The following STAG2 variants were observed in gnomAD, a reference collection of about 807,000 sequenced individuals.
STAG2 encodes the protein cohesin subunit SA-2.
In STAG2, 14 loss-of-function variants were observed where a neutral mutation model predicts 108.1. That is an observed-to-expected ratio of 0.13 (90% confidence interval 0.09 to 0.20). The LOEUF is 0.20. STAG2 is among the 10% of genes least tolerant of loss of function. The pLI is 1.00. For missense variants in STAG2, 440 were observed against 940.9 expected (o/e 0.47, Z 6.96); for synonymous variants, 307 against 302.7 (o/e 1.01, Z -0.15).
chrX:123,971,138 C>T (rs960993199), intron 1 of STAG2, among the ~76,000 whole-genome samples: 10 of 112,169 alleles, frequency 8.9e-5, no homozygotes, highest in Non-Finnish European at 1.5e-4. Context: ...GGATTTAAAA[C>T]CTCTGTAGAG....
rs200374624 is a variant in STAG2 at position 124,060,981 on chromosome X, T to TA, written c.1417-237dup. On this transcript the variant is annotated intron_variant, in intron 15 of 34. Transcript: ENST00000371145. ...ATATATATATTTTATATAAAAATAA[T>TA]AAAAAATTTTTTTCATATTAATGTT... Among the ~76,000 whole-genome samples the TA allele has an allele frequency of 7.2e-3, 785 of 108,525 alleles. 7 individuals carry two copies. The highest frequency in any genetic ancestry group is 0.024 in the African/African-American group (736 of 30,070). The allele number at this position is 108,525 out of a possible 115,157, so 94.2% of individuals were successfully genotyped here.
At position 123,990,677 on chromosome X, in the gene STAG2, TA is replaced by T. The variant is rs769411796; in HGVS notation, c.-163+28824del. On this transcript the variant is annotated intron_variant, in intron 1 of 34. Transcript: ENST00000371145. ...ATTATTGTAATGATGGAAACTTACATAAAGTATAGGAACAGAAAGAGGTAGT... is the reference window on the plus strand; with the variant it reads ...ATTATTGTAATGATGGAAACTTACATAAGTATAGGAACAGAAAGAGGTAGT... Among the ~76,000 whole-genome samples the T allele has an allele frequency of 8.9e-5, 10 of 111,966 alleles. No homozygotes were observed. In the Admixed American group the frequency reaches 9.5e-4, roughly 11 times the overall value.
intron 5 of STAG2, among the ~76,000 whole-genome samples, chrX:124,035,025 T>G (rs983166766): frequency 1.8e-5 from 2 of 109,900 alleles, no homozygotes; most frequent in Non-Finnish European, 3.8e-5. Context: ...GCCTCCCAAG[T>G]AGCTGGGATT....
intron 1 of STAG2, among the ~76,000 whole-genome samples, chrX:123,980,927 A>G (rs1286443087): frequency 2.7e-5 from 3 of 111,075 alleles, no homozygotes. Flanking sequence ...TCTGTACTTC[A>G]TGTGAAATAA....
At chrX:124,059,812 C>G (rs2058327550) in intron 15 of STAG2, among the ~76,000 whole-genome samples, 1 of 110,650 alleles carries the variant, frequency 9.0e-6, no homozygotes, top group African/African-American at 3.3e-5. Context: ...AACTTCGTGC[C>G]ACCACACCCA....
intron 25 of STAG2, among the ~76,000 whole-genome samples, chrX:124,074,722 C>T (rs1465513364): frequency 3.6e-5 from 4 of 111,139 alleles, no homozygotes; most frequent in Non-Finnish European, 7.5e-5. Context: ...TATGAAAGGC[C>T]CAGTGTGTTA....
chrX:124,095,988 T>C (rs747901791), intron 34 of STAG2, among the ~76,000 whole-genome samples: 2 of 110,189 alleles, frequency 1.8e-5, no homozygotes, highest in South Asian at 4.0e-4. Context: ...GTACCTCTTA[T>C]ATCAGTCCCC....
intron 17 of STAG2, among the ~76,000 whole-genome samples, 199 bp downstream of exon 17, chrX:124,062,073 C>T (rs1430671371): frequency 9.0e-6 from 1 of 111,267 alleles, no homozygotes; most frequent in African/African-American, 3.3e-5. Flanking sequence ...TTTTTAGTTG[C>T]TGCAGGAGAT....
Position 124,083,546 on chromosome X carries a change from C to G in STAG2, c.3050C>G (p.Thr1017Arg), listed in dbSNP as rs2148446649. The G allele has an allele frequency of 8.5e-7, 1 of 1,176,575 alleles. No individual in the cohort carries two copies. Among genetic ancestry groups the G allele is most frequent in the Non-Finnish European group, 1.1e-6 (1 of 877,623 alleles). ...SSKLLRQDKR[T>R]VYVYLEKFMT... ...AAACTACTTCGACAAGACAAAAGAA[C>G]AGTGTATGTATTTGCTGGAAATGTC... Residue 1017 changes from threonine (T) to arginine (R), a missense_variant, in exon 29 of 35, where the codon ACA becomes AGA. Thr to Arg is a moderately conservative substitution (Grantham distance 71, BLOSUM62 -1). Transcript: ENST00000371145.
At chrX:124,068,424 T>C in intron 23 of STAG2, 140 bp from the exon 24 acceptor site, 2 of 405,184 alleles carry the variant, frequency 4.9e-6, no homozygotes, top group South Asian at 1.1e-4. Flanking sequence ...TTATAAATTA[T>C]AAGGAAGAAA....
chrX:124,041,445 A>T (rs1010415634), intron 6 of STAG2, among the ~76,000 whole-genome samples: 1 of 110,341 alleles, frequency 9.1e-6, no homozygotes, highest in African/African-American at 3.3e-5. Context: ...ACACAGATGC[A>T]TGCATATACA....
chrX:124,082,959 T>C (rs1201499577), intron 28 of STAG2, among the ~76,000 whole-genome samples: 3 of 111,673 alleles, frequency 2.7e-5, no homozygotes, highest in Non-Finnish European at 5.6e-5. Flanking sequence ...CACATAAATA[T>C]AGTTAAAATG....
At chrX:123,961,302 C>G (rs889619079), upstream of STAG2, 2 of 103,895 alleles carry the variant, frequency 1.9e-5, no homozygotes, top group South Asian at 8.4e-4. Flanking sequence ...TACGGAGACC[C>G]CCCCCCCCCA....
rs112824767 is a variant in STAG2, at chrX:124,031,577, T to G, written c.288+452T>G. On this transcript the variant is annotated intron_variant, in intron 5 of 34. Coordinates refer to ENST00000371145, the MANE Select transcript of STAG2 (RefSeq NM_001042750.2). ...TTTTTTTTGTTTTTTTGTTTTTTTG[T>G]TTTTTTTGGTGGGTATTTTCAGTGG... 7.3e-3 allele frequency among the ~76,000 whole-genome samples: 725 copies of G among 99,501 alleles called. 6 individuals are homozygous for G. Among genetic ancestry groups the G allele is most frequent in the African/African-American group, 0.024 (683 of 28,568 alleles). The allele number at this position is 99,501 out of a possible 115,157, so 86.4% of individuals were successfully genotyped here. A position where few individuals can be genotyped will look rare whatever the true frequency, so the allele number is the denominator to read the frequency against.
intron 27 of STAG2, among the ~76,000 whole-genome samples, chrX:124,079,708 G>A (rs996146710): frequency 8.9e-6 from 1 of 112,570 alleles, no homozygotes; most frequent in African/African-American, 3.2e-5. Flanking sequence ...ATAGCTGCTA[G>A]CTGTACTGTT....
chrX:124,023,620 A>G (rs1170063474), intron 3 of STAG2, among the ~76,000 whole-genome samples: 1 of 111,622 alleles, frequency 9.0e-6, no homozygotes, highest in East Asian at 2.8e-4. Context: ...TGTCTGCTGT[A>G]TACAGGATGT....
chrX:124,098,778 A>T (rs2059444109), intron 34 of STAG2, among the ~76,000 whole-genome samples: 1 of 112,180 alleles, frequency 8.9e-6, no homozygotes, highest in Admixed American at 9.5e-5. Context: ...AATCGTAAAA[A>T]TATCTTTTTA....
At chrX:123,971,087 G>A (rs2054332236) in intron 1 of STAG2, among the ~76,000 whole-genome samples, 1 of 111,798 alleles carries the variant, frequency 8.9e-6, no homozygotes, top group Admixed American at 9.5e-5. Context: ...CTGAAGCATA[G>A]GGAGACCAAA....
At chrX:124,063,029 A>T (rs940208489) in intron 18 of STAG2, 35 bp downstream of exon 18, 1 of 1,184,115 alleles carries the variant, frequency 8.4e-7, no homozygotes, top group Non-Finnish European at 1.1e-6. Flanking sequence ...GTTACTAAGA[A>T]ATGAGTTTTT....
Sources: gnomAD v4.1 joint callset for allele counts (sites outside exome capture counted in the v4.1 genomes callset) on GRCh38, gnomAD v4.1.1 for gene constraint, MANE v1.5 for transcripts, NCBI Gene and HGNC (gene_info 2026-07-23, HGNC 2026-07-21) for gene names.